The following ARHGAP42 variants were observed in gnomAD, a reference collection of about 807,000 sequenced individuals.
ARHGAP42 encodes Rho GTPase activating protein 42, also known as rho GTPase-activating protein 42.
ARHGAP42 carries 63 observed loss-of-function variants against 125.0 expected under a neutral mutation model. The ratio of observed to expected loss-of-function variants is 0.50; its 90% CI spans 0.41 to 0.62. The LOEUF is 0.62. Ranked by LOEUF, ARHGAP42 falls within the 20% of genes least tolerant of loss-of-function variation. The pLI, the probability that ARHGAP42 is intolerant of heterozygous loss-of-function variation, is 0.00. For synonymous variants in ARHGAP42, 339 were observed against 351.0 expected (o/e 0.97, Z 0.38); for missense variants, 766 against 1,024.2 (o/e 0.75, Z 3.44).
At chr11:100,777,706 A>G (rs75057863) in intron 2 of ARHGAP42, among the ~76,000 whole-genome samples, 6,000 of 152,296 alleles carry the variant, frequency 0.039, 129 homozygotes, top group African/African-American at 0.078. Context: ...CAGAAAATGC[A>G]TTCAAAAGAT....
chr11:100,976,292 A>G lies in ARHGAP42; in HGVS notation c.2091A>G (p.Ala697=). Residue 697 remains alanine (A), a synonymous_variant, in exon 20 of 24, where the codon GCA becomes GCG. Coordinates refer to ENST00000298815, the MANE Select transcript of ARHGAP42 (RefSeq NM_152432.4). Reference sequence around the variant, plus strand: ...GAGAAGATGCAACCAAGACAGATGCAGAATCAGACTGCCAGAGTGTTGCTT... The same window carrying G: ...GAGAAGATGCAACCAAGACAGATGCGGAATCAGACTGCCAGAGTGTTGCTT... ...SSREDATKTD[A]ESDCQSVASV... is the part of the protein sequence containing the mutation. 6.4e-7 allele frequency: 1 copy of G among 1,551,810 alleles called. No homozygotes were observed. The highest frequency in any genetic ancestry group is 8.7e-7 in the Non-Finnish European group (1 of 1,146,928).
chr11:100,704,997 C>CAAA (rs1565535052), intron 1 of ARHGAP42, among the ~76,000 whole-genome samples: 12 of 111,794 alleles, frequency 1.1e-4, no homozygotes, highest in Non-Finnish European at 2.1e-4. Flanking sequence ...GAGCCAAACC[C>CAAA]CAACAACAAC....
intron 2 of ARHGAP42, among the ~76,000 whole-genome samples, chr11:100,779,535 T>TATACGTATATATATACGTATAC (rs1863232313): frequency 1.5e-5 from 2 of 134,504 alleles, no homozygotes; most frequent in Non-Finnish European, 3.2e-5. Flanking sequence ...CATGCGTATA[T>TATACGTATATATATACGTATAC]ATACGTATAT....
chr11:100,733,181 G>A (rs1340649969), intron 1 of ARHGAP42, among the ~76,000 whole-genome samples: 1 of 152,156 alleles, frequency 6.6e-6, no homozygotes, highest in East Asian at 1.9e-4. Context: ...TGAGCTGGTT[G>A]ACTCATGACA....
intron 1 of ARHGAP42, among the ~76,000 whole-genome samples, chr11:100,693,369 A>C (rs1302057843): frequency 1.3e-5 from 2 of 152,200 alleles, no homozygotes. Flanking sequence ...GATGAGCTGT[A>C]ATTAATTTTA....
chr11:100,948,625 C>T, intron 11 of ARHGAP42, 90 bp downstream of exon 11: 1 of 1,000,490 alleles, frequency 1.0e-6, no homozygotes, highest in Non-Finnish European at 1.4e-6. Context: ...CAATGTTTTG[C>T]CTGTAGTATA....
rs1333584938 is a variant in ARHGAP42, at chr11:100,707,056, C to A, written c.154+19224C>A. Among the ~76,000 whole-genome samples the A allele has an allele frequency of 3.3e-5, 5 of 152,316 alleles. No homozygotes were observed. The East Asian group carries it at 7.7e-4, about 24-fold the overall frequency. ...TTACTTAGCATATTTCAAGGTTCAT[C>A]CATATTTAAACATAGACCAGTATTT... On this transcript the variant is annotated intron_variant, in intron 1 of 23. Coordinates refer to ENST00000298815, the MANE Select transcript of ARHGAP42 (RefSeq NM_152432.4).
intron 3 of ARHGAP42, among the ~76,000 whole-genome samples, chr11:100,808,278 T>C (rs1864046985): frequency 6.6e-6 from 1 of 152,160 alleles, no homozygotes; most frequent in African/African-American, 2.4e-5. Context: ...AGTATATTTA[T>C]GCACTACAGA....
intron 5 of ARHGAP42, among the ~76,000 whole-genome samples, chr11:100,917,851 C>T (rs1332898163): frequency 2.0e-5 from 3 of 152,156 alleles, no homozygotes; most frequent in Admixed American, 6.6e-5. Flanking sequence ...GGATTATAGG[C>T]ATGAGCTCCG....
intron 3 of ARHGAP42, among the ~76,000 whole-genome samples, chr11:100,827,944 T>A (rs1036000611): frequency 2.0e-5 from 3 of 151,786 alleles, no homozygotes; most frequent in Non-Finnish European, 4.4e-5. Context: ...CACATGGGAG[T>A]GGGGGTAAGA....
In ARHGAP42 at chr11:100,813,276, T is replaced by G. The variant is rs576509657; in HGVS notation, c.312+18110T>G. On this transcript the variant is annotated intron_variant, in intron 3 of 23. Coordinates refer to ENST00000298815, the MANE Select transcript of ARHGAP42 (RefSeq NM_152432.4). ...GCAATATCCCACACCTCTATGCTCT[T>G]GAGGTACTCTACTTCCCCTTAAATT... Among the ~76,000 whole-genome samples the G allele has an allele frequency of 8.7e-4, 132 of 152,326 alleles. 1 individual carries two copies. The highest frequency in any genetic ancestry group is 3.1e-3 in the African/African-American group (127 of 41,580).
chr11:100,969,062 C>A (rs1477949178), intron 17 of ARHGAP42, among the ~76,000 whole-genome samples: 1 of 152,112 alleles, frequency 6.6e-6, no homozygotes, highest in Non-Finnish European at 1.5e-5. Context: ...AATAAGTTCT[C>A]TCAATTTTTG....
At chr11:100,742,801 C>A (rs1299794098) in intron 1 of ARHGAP42, among the ~76,000 whole-genome samples, 1 of 152,032 alleles carries the variant, frequency 6.6e-6, no homozygotes, top group Non-Finnish European at 1.5e-5. Flanking sequence ...TTGTATTGAT[C>A]CTTTTATCAT....
At chr11:100,765,498 T>C (rs116360118) in intron 1 of ARHGAP42, among the ~76,000 whole-genome samples, 75 of 152,300 alleles carry the variant, frequency 4.9e-4, no homozygotes, top group African/African-American at 1.7e-3. Flanking sequence ...AAAATGGGTG[T>C]GATGGCATCT....
intron 1 of ARHGAP42, among the ~76,000 whole-genome samples, chr11:100,768,017 A>G (rs765700318): frequency 1.3e-5 from 2 of 152,142 alleles, no homozygotes; most frequent in Admixed American, 6.6e-5. Flanking sequence ...GACCTATTCA[A>G]TCTTGAGTGC....
intron 4 of ARHGAP42, among the ~76,000 whole-genome samples, chr11:100,885,510 T>C: frequency 6.6e-6 from 1 of 152,240 alleles, no homozygotes; most frequent in East Asian, 1.9e-4. Flanking sequence ...ATGCCTTTTA[T>C]AATTTCTTTC....
intron 3 of ARHGAP42, among the ~76,000 whole-genome samples, chr11:100,843,158 C>A (rs1474156984): frequency 6.6e-6 from 1 of 151,876 alleles, no homozygotes; most frequent in East Asian, 1.9e-4. Context: ...CACGGAAATA[C>A]AAAAAGATCA....
intron 3 of ARHGAP42, among the ~76,000 whole-genome samples, chr11:100,836,054 A>T (rs1264636136): frequency 1.3e-5 from 2 of 152,100 alleles, no homozygotes; most frequent in Non-Finnish European, 2.9e-5. Context: ...TTCACACTTA[A>T]TAAAGAGTTT....
chr11:100,792,154 T>C (rs1048358906), intron 2 of ARHGAP42, among the ~76,000 whole-genome samples: 1 of 152,202 alleles, frequency 6.6e-6, no homozygotes, highest in African/African-American at 2.4e-5. Context: ...GAAGTTCTAG[T>C]GTGCTCCTGC....
Sources: gnomAD v4.1 joint callset for allele counts (sites outside exome capture counted in the v4.1 genomes callset) on GRCh38, gnomAD v4.1.1 for gene constraint, MANE v1.5 for transcripts, NCBI Gene and HGNC (gene_info 2026-07-23, HGNC 2026-07-21) for gene names.